The following CSMD2 variants were observed in gnomAD, a reference collection of about 807,000 sequenced individuals.
CSMD2 encodes CUB and Sushi multiple domains 2.
A neutral mutation model predicts 398.5 loss-of-function variants in CSMD2; 130 were observed. The observed-to-expected ratio is 0.33, with a 90% CI of 0.28 to 0.38. The LOEUF is 0.38. Ranked by LOEUF, CSMD2 falls within the 10% of genes least tolerant of loss-of-function variation. The pLI is 1.00. For missense variants in CSMD2, 3,829 were observed against 4,764.9 expected, an observed-to-expected ratio of 0.80 and a Z score of 5.78; for synonymous variants, 1,828 against 1,908.5, an observed-to-expected ratio of 0.96 and a Z score of 1.10.
chr1:33,530,239 C>G (rs1013707765), intron 64 of CSMD2, among the ~76,000 whole-genome samples: 2 of 152,050 alleles, frequency 1.3e-5, no homozygotes, highest in Non-Finnish European at 2.9e-5. Context: ...ACTAAAACAA[C>G]TCGATAGCAA....
intron 3 of CSMD2, among the ~76,000 whole-genome samples, chr1:33,970,782 A>AT (rs528730865): frequency 8.1e-4 from 124 of 152,234 alleles, no homozygotes; most frequent in African/African-American, 2.8e-3. Context: ...CAGGCAGGTG[A>AT]TTTTCCAGGT....
chr1:33,606,758 G>C (rs954842271), intron 41 of CSMD2, among the ~76,000 whole-genome samples: 1 of 152,202 alleles, frequency 6.6e-6, no homozygotes, highest in African/African-American at 2.4e-5. Flanking sequence ...GAGCAGCCTT[G>C]ATGAGAGCAG....
chr1:33,540,844 G>A (rs1454985110), intron 59 of CSMD2, 146 bp from the exon 60 acceptor site: 1 of 911,414 alleles, frequency 1.1e-6, no homozygotes, highest in African/African-American at 1.7e-5. Context: ...CTTACTGTGG[G>A]AGTTCTGATC....
intron 12 of CSMD2, among the ~76,000 whole-genome samples, chr1:33,774,036 A>G (rs989678597): frequency 6.6e-6 from 1 of 151,686 alleles, no homozygotes; most frequent in Non-Finnish European, 1.5e-5. Context: ...TGTTGCATTC[A>G]TGTTAACCCA....
At chr1:33,645,378 CACACACACACACACAT>C (rs1301119674) in intron 29 of CSMD2, among the ~76,000 whole-genome samples, 23 of 147,976 alleles carry the variant, frequency 1.6e-4, no homozygotes, top group Middle Eastern at 3.5e-3. Context: ...CACACACACA[CACACACACACACACAT>C]ATATAAAATA....
At chr1:34,070,271 G>T (rs1044086423) in intron 2 of CSMD2, among the ~76,000 whole-genome samples, 1 of 152,176 alleles carries the variant, frequency 6.6e-6, no homozygotes, top group Non-Finnish European at 1.5e-5. Flanking sequence ...AAACATGGAA[G>T]GAGACAGGAC....
intron 25 of CSMD2, among the ~76,000 whole-genome samples, chr1:33,665,075 C>A (rs1475794291): frequency 6.6e-6 from 1 of 152,192 alleles, no homozygotes; most frequent in Non-Finnish European, 1.5e-5. Context: ...TTGGGTATCT[C>A]TGCACATATT....
chr1:33,665,879 C>T (rs1192153291), intron 25 of CSMD2, among the ~76,000 whole-genome samples: 1 of 152,108 alleles, frequency 6.6e-6, no homozygotes, highest in Non-Finnish European at 1.5e-5. Context: ...CTTTAGTGTA[C>T]CTATTTGTAG....
chr1:33,605,795 T>A (rs1640556157), intron 41 of CSMD2: 7 of 1,268,172 alleles, frequency 5.5e-6, no homozygotes, highest in Non-Finnish European at 6.7e-6. Flanking sequence ...ATTGAACCTC[T>A]ATTCACTGAG....
At position 33,635,054 on chromosome 1, in the gene CSMD2, G is replaced by C. The variant is rs546494347; in HGVS notation, c.5086+160C>G. Among the ~76,000 whole-genome samples the C allele has an allele frequency of 6.6e-6, 1 of 152,104 alleles. No individual in the cohort carries two copies. Among genetic ancestry groups the C allele is most frequent in the African/African-American group, 2.4e-5 (1 of 41,412 alleles). ...GTGTCCGGAATGTATTCTGCAGCCCGTTTGAGAAACGTCAGCACTCGGCCG... is the reference window on the plus strand; with the variant it reads ...GTGTCCGGAATGTATTCTGCAGCCCCTTTGAGAAACGTCAGCACTCGGCCG... On this transcript the variant is annotated intron_variant, in intron 31 of 70. Coordinates refer to ENST00000373381, the MANE Select transcript of CSMD2 (RefSeq NM_001281956.2). This position sits in a 1 kb window ranked among gnomAD's most constrained non-coding sequence, Gnocchi z 5.0.
At chr1:33,802,236 G>T (rs904878679) in intron 10 of CSMD2, among the ~76,000 whole-genome samples, 2 of 152,212 alleles carry the variant, frequency 1.3e-5, no homozygotes, top group South Asian at 4.1e-4. Flanking sequence ...TGCATCACTT[G>T]CTCTGAGCCT....
intron 1 of CSMD2, among the ~76,000 whole-genome samples, chr1:34,123,237 A>G (rs1662375724): frequency 6.6e-6 from 1 of 152,160 alleles, no homozygotes; most frequent in Admixed American, 6.5e-5. Context: ...TTGATCACCA[A>G]TGGCCAATGG....
At chr1:33,843,614 T>C (rs6425852) in intron 6 of CSMD2, among the ~76,000 whole-genome samples, 117,071 of 152,116 alleles carry the variant, frequency 0.77, 45,647 homozygotes, top group East Asian at 0.9. Context: ...AAGAAGCTGA[T>C]CTCTGTGGAC....
intron 10 of CSMD2, among the ~76,000 whole-genome samples, chr1:33,808,856 T>A (rs1340149003): frequency 6.6e-6 from 1 of 151,766 alleles, no homozygotes; most frequent in Non-Finnish European, 1.5e-5. Flanking sequence ...TAAAAAATGA[T>A]ACATATTAGA....
intron 12 of CSMD2, 49 bp downstream of exon 12, chr1:33,788,551 G>T: frequency 2.1e-6 from 2 of 946,258 alleles, no homozygotes; most frequent in Non-Finnish European, 3.4e-6. Flanking sequence ...TCCAGACCCC[G>T]TCTCTGACTC....
intron 29 of CSMD2, among the ~76,000 whole-genome samples, chr1:33,637,552 A>G (rs1300041375): frequency 6.6e-6 from 1 of 152,186 alleles, no homozygotes; most frequent in African/African-American, 2.4e-5. Context: ...CTGGGAGCCC[A>G]TGCTCACGCT....
intron 29 of CSMD2, among the ~76,000 whole-genome samples, chr1:33,640,503 A>G (rs1211407115): frequency 6.6e-6 from 1 of 152,184 alleles, no homozygotes; most frequent in Non-Finnish European, 1.5e-5. Flanking sequence ...TTGTTTACAT[A>G]TTGTCTGTGG....
intron 12 of CSMD2, among the ~76,000 whole-genome samples, chr1:33,777,272 T>C (rs1469944540): frequency 6.6e-6 from 1 of 152,072 alleles, no homozygotes; most frequent in Non-Finnish European, 1.5e-5. Context: ...GATGTGTTGC[T>C]CAGAGAATCA....
rs138189791 is a variant in CSMD2, at chr1:34,020,514, G to A, written c.517+12080C>T. ...CACAGGCTCAAGGAGATGCCCCAGC[G>A]TCATGCTGCTGGCCCACCCGACTCT... On this transcript the variant is annotated intron_variant, in intron 3 of 70. Transcript: ENST00000373381. Among the ~76,000 whole-genome samples, 1,130 of 152,244 alleles carry A rather than the reference G, an allele frequency of 7.4e-3. 13 individuals are homozygous for A. The highest frequency in any genetic ancestry group is 0.026 in the African/African-American group (1,074 of 41,544).
Sources: allele counts gnomAD v4.1 joint callset (sites outside exome capture counted in the v4.1 genomes callset), GRCh38; gene constraint gnomAD v4.1.1; non-coding constraint Gnocchi (gnomAD v3.1); transcripts MANE v1.5; gene names NCBI Gene and HGNC (gene_info 2026-07-23, HGNC 2026-07-21).